ADARB2: variants seen among roughly 807,000 people sequenced by gnomAD.
ADARB2 encodes adenosine deaminase RNA specific B2 (inactive), also known as inactive double-stranded RNA-specific editase B2.
ADARB2 carries 25 observed loss-of-function variants against 62.2 expected under a neutral mutation model. That is an observed-to-expected ratio of 0.40 (90% CI 0.29 to 0.56). ADARB2 has a LOEUF of 0.56. ADARB2 is among the 20% of genes least tolerant of loss of function. ADARB2 has a pLI of 0.43. For synonymous variants in ADARB2, 572 were observed against 500.8 expected, an observed-to-expected ratio of 1.14 and a Z score of -1.90; for missense variants, 1,071 against 1,077.4, an observed-to-expected ratio of 0.99 and a Z score of 0.08.
chr10:1,484,710 G>A (rs904813679), intron 1 of ADARB2, among the ~76,000 whole-genome samples: 8 of 152,206 alleles, frequency 5.3e-5, no homozygotes, highest in East Asian at 1.9e-4. Context: ...GTGTAAGTGC[G>A]TGTGTCTGTG....
Position 1,671,038 on chromosome 10 carries a change from T to A in ADARB2, c.100+66013A>T, listed in dbSNP as rs116232850. ...TTAAATGGAATTTCAAATTCTTTCT[T>A]TGAAAAGAAAAGGAAAGGTCAAATA... On this transcript the variant is annotated intron_variant, in intron 1 of 9. Transcript: ENST00000381312. Among the ~76,000 whole-genome samples the A allele has an allele frequency of 3.4e-3, 516 of 152,332 alleles. 4 individuals are homozygous for A. The highest frequency in any genetic ancestry group is 0.012 in the African/African-American group (488 of 41,574).
intron 1 of ADARB2, among the ~76,000 whole-genome samples, chr10:1,515,902 C>T (rs1437860525): frequency 2.0e-5 from 3 of 152,220 alleles, no homozygotes; most frequent in African/African-American, 7.2e-5. Flanking sequence ...TGTGACAGTG[C>T]CACTATCACC....
chr10:1,705,259 A>G (rs1834874098), intron 1 of ADARB2, among the ~76,000 whole-genome samples: 2 of 152,202 alleles, frequency 1.3e-5, no homozygotes, highest in African/African-American at 2.4e-5. Flanking sequence ...GCAGGGTTGC[A>G]GGGGCTGCAT....
At chr10:1,258,363 C>T (rs1831100103) in intron 4 of ADARB2, among the ~76,000 whole-genome samples, 1 of 152,040 alleles carries the variant, frequency 6.6e-6, no homozygotes, top group Non-Finnish European at 1.5e-5. Flanking sequence ...CACAGACTGG[C>T]AAATTGGAAA....
At chr10:1,702,006 GA>G (rs1405292947) in intron 1 of ADARB2, among the ~76,000 whole-genome samples, 1 of 152,212 alleles carries the variant, frequency 6.6e-6, no homozygotes, top group African/African-American at 2.4e-5. Context: ...GAAATTTAAA[GA>G]AAGACAAAGA....
At chr10:1,691,816 T>C (rs1834676302) in intron 1 of ADARB2, among the ~76,000 whole-genome samples, 1 of 152,146 alleles carries the variant, frequency 6.6e-6, no homozygotes, top group African/African-American at 2.4e-5. Context: ...CTGATTCCAC[T>C]TCTGTCCCCT....
rs1461580220 is a variant in ADARB2, at chr10:1,326,785, C to G, written c.1077+36243G>C. ...CCTCTGGTAGCACAGCCCCTCCTCA[C>G]TGCCCAGCGCCTCCCCACGGCCCAG... On this transcript the variant is annotated intron_variant, in intron 3 of 9. Transcript: ENST00000381312. Among the ~76,000 whole-genome samples, 46 of 74,798 alleles carry G rather than the reference C, an allele frequency of 6.1e-4. 9 individuals carry two copies. Among genetic ancestry groups the G allele is most frequent in the Admixed American group, 2.5e-3 (16 of 6,426 alleles). 49.1% of individuals were successfully genotyped at this position (74,798 alleles called of 152,430 possible).
intron 1 of ADARB2, among the ~76,000 whole-genome samples, chr10:1,467,763 T>C (rs530728599): frequency 6.6e-6 from 1 of 152,272 alleles, no homozygotes; most frequent in African/African-American, 2.4e-5. Flanking sequence ...TGCTGGTGGA[T>C]TGTAAAATCC....
rs146787080 is a variant in ADARB2 at position 1,293,977 on chromosome 10, C to T, written c.1078-22908G>A. Among the ~76,000 whole-genome samples, 7 of 150,212 alleles carry T rather than the reference C, an allele frequency of 4.7e-5. No individual in the cohort carries two copies. In the East Asian group the frequency reaches 1.2e-3, roughly 25 times the overall value. ...ACAGCATCTGTGGCTTGCAGGGGGG[C>T]GGGGGCATGGGGGAGCTGTTGGTCA... On this transcript the variant is annotated intron_variant, in intron 3 of 9. Coordinates refer to ENST00000381312, the MANE Select transcript of ADARB2 (RefSeq NM_018702.4).
chr10:1,219,757 A>C (rs1453750013), intron 6 of ADARB2, among the ~76,000 whole-genome samples: 1 of 149,684 alleles, frequency 6.7e-6, no homozygotes, highest in Non-Finnish European at 1.5e-5. Context: ...AATGGTGATG[A>C]TGGTGGCGGT....
chr10:1,463,218 A>G (rs1831201545), intron 1 of ADARB2, among the ~76,000 whole-genome samples: 1 of 152,138 alleles, frequency 6.6e-6, no homozygotes, highest in Non-Finnish European at 1.5e-5. Flanking sequence ...GTGGGGGCAG[A>G]TGCCTGTGGT....
At chr10:1,245,029 G>A (rs974768108) in intron 4 of ADARB2, among the ~76,000 whole-genome samples, 1 of 152,198 alleles carries the variant, frequency 6.6e-6, no homozygotes, top group Non-Finnish European at 1.5e-5. Context: ...CTGTGAAAGG[G>A]TTTTCCGGAA....
At chr10:1,465,647 A>G (rs2131912893) in intron 1 of ADARB2, among the ~76,000 whole-genome samples, 1 of 152,330 alleles carries the variant, frequency 6.6e-6, no homozygotes, top group East Asian at 1.9e-4. Context: ...ACCTTTGCTC[A>G]TGAGAATAGT....
At chr10:1,246,274 C>G in intron 4 of ADARB2, among the ~76,000 whole-genome samples, 1 of 150,776 alleles carries the variant, frequency 6.6e-6, no homozygotes, top group Non-Finnish European at 1.5e-5. Context: ...ACATTTTCTC[C>G]CATTCTGTAG....
At chr10:1,372,003 C>T (rs1832376891) in intron 2 of ADARB2, among the ~76,000 whole-genome samples, 1 of 152,060 alleles carries the variant, frequency 6.6e-6, no homozygotes, top group Admixed American at 6.5e-5. Context: ...AAAAAAGACG[C>T]CTGTACGTGT....
At chr10:1,259,820 T>A (rs1053389976) in intron 4 of ADARB2, among the ~76,000 whole-genome samples, 1 of 152,220 alleles carries the variant, frequency 6.6e-6, no homozygotes, top group African/African-American at 2.4e-5. Flanking sequence ...ATCATCCTGA[T>A]ACCAAAGCCT....
At chr10:1,657,751 C>T (rs1834189968) in intron 1 of ADARB2, among the ~76,000 whole-genome samples, 1 of 152,216 alleles carries the variant, frequency 6.6e-6, no homozygotes, top group African/African-American at 2.4e-5. Flanking sequence ...GCTTCCTTTG[C>T]TGGGAGGCAT....
chr10:1,633,608 CT>C (rs1346351748), intron 1 of ADARB2, among the ~76,000 whole-genome samples: 174 of 149,390 alleles, frequency 1.2e-3, no homozygotes, highest in African/African-American at 3.8e-3. Flanking sequence ...ATCTATCTAT[CT>C]ATCCCTCTAT....
intron 1 of ADARB2, among the ~76,000 whole-genome samples, chr10:1,469,149 G>A (rs531027331): frequency 2.4e-4 from 36 of 152,310 alleles, no homozygotes; most frequent in South Asian, 2.3e-3. Context: ...TGAAAGAGTC[G>A]TTTCTATTAG....
Sources: allele counts gnomAD v4.1 joint callset (sites outside exome capture counted in the v4.1 genomes callset), GRCh38; gene constraint gnomAD v4.1.1; transcripts MANE v1.5; gene names NCBI Gene and HGNC (gene_info 2026-07-23, HGNC 2026-07-21).